Variants in PCDHA8 observed in about 807,000 individuals in gnomAD.
PCDHA8 encodes the protein protocadherin alpha 8.
A neutral mutation model predicts 61.8 loss-of-function variants in PCDHA8; 53 were observed. The ratio of observed to expected loss-of-function variants is 0.86; its 90% CI spans 0.69 to 1.08. The LOEUF is 1.08. PCDHA8 is among the 50% of genes least tolerant of loss of function. PCDHA8 has a pLI of 0.00. For synonymous variants in PCDHA8, 618 were observed against 556.6 expected (o/e 1.11, Z -1.55); for missense variants, 1,293 against 1,245.0 (o/e 1.04, Z -0.58).
intron 1 of PCDHA8, among the ~76,000 whole-genome samples, chr5:140,900,786 A>C (rs888308882): frequency 2.0e-5 from 3 of 152,152 alleles, no homozygotes; most frequent in African/African-American, 7.2e-5. Flanking sequence ...GAAACTCCAA[A>C]CTGTTCTCCA....
chr5:140,843,317 C>G lies in PCDHA8; in HGVS notation c.1996C>G (p.Leu666Val), dbSNP rs2150357275. ...TGCGCTGACCGCCACGGCCACGGTT[C>G]TGGTGTCGCTGGTGGAGAGCGGCCA... Reference protein sequence around the residue: ...EPALTATATVLVSLVESGQAP... With the variant: ...EPALTATATVVVSLVESGQAP... The change falls in exon 1 of 4, where the codon CTG (leucine) becomes GTG (valine). Residue 666 changes from leucine to valine, a missense_variant. Leu to Val is a conservative substitution (Grantham distance 32, BLOSUM62 1). Coordinates refer to ENST00000531613, the MANE Select transcript of PCDHA8 (RefSeq NM_018911.3). The G allele has an allele frequency of 6.9e-6, 11 of 1,595,910 alleles. No homozygotes were observed. Among genetic ancestry groups the G allele is most frequent in the African/African-American group, 1.3e-5 (1 of 74,422 alleles).
intron 1 of PCDHA8, among the ~76,000 whole-genome samples, chr5:140,931,837 G>A (rs1422066331): frequency 6.6e-6 from 1 of 151,798 alleles, no homozygotes; most frequent in Non-Finnish European, 1.5e-5. Flanking sequence ...TATCCTGAAT[G>A]CCTTAATAAC....
At chr5:140,877,594 T>G (rs782719581) in intron 1 of PCDHA8, 110 of 1,613,680 alleles carry the variant, frequency 6.8e-5, no homozygotes, top group Non-Finnish European at 9.3e-5. Context: ...CTGTGCGGTG[T>G]CCAGCCTGCT....
chr5:140,842,095 A>G lies in PCDHA8; in HGVS notation c.774A>G (p.Gly258=). ...GAATATTCGAAAACGCAGACAACGG[A>G]ACAACAGTTATCAAACTGAATGCTT... The part of the protein sequence containing the change: ...EVRIFENADN[G]TTVIKLNASD... Residue 258 remains glycine, a synonymous_variant, in exon 1 of 4, where the codon GGA becomes GGG. Transcript: ENST00000531613. The G allele has an allele frequency of 6.2e-7, 1 of 1,613,924 alleles. No individual in the cohort carries two copies. Among genetic ancestry groups the G allele is most frequent in the Non-Finnish European group, 8.5e-7 (1 of 1,179,880 alleles).
intron 1 of PCDHA8, chr5:140,863,394 G>A (rs1342756414): frequency 2.2e-6 from 2 of 929,190 alleles, no homozygotes; most frequent in South Asian, 1.3e-5. Context: ...CGTGCATGCC[G>A]GGCAAGCCCA....
rs558900138 is a variant in PCDHA8, at chr5:140,898,510, C to T, written c.2394+54795C>T. On this transcript the variant is annotated intron_variant, in intron 1 of 3. Coordinates refer to ENST00000531613, the MANE Select transcript of PCDHA8 (RefSeq NM_018911.3). ...AGATCAGATAGTTGTAGATATGCGG[C>T]GTTATTTCTGAGGGCTCTGTTCTGT... Among the ~76,000 whole-genome samples, 9 of 152,196 alleles carry T rather than the reference C, an allele frequency of 5.9e-5. No homozygotes were observed. In the South Asian group the frequency reaches 6.2e-4, roughly 11 times the overall value.
At chr5:140,881,330 G>A (rs2153378633) in intron 1 of PCDHA8, 1 of 984,626 alleles carries the variant, frequency 1.0e-6, no homozygotes, top group Non-Finnish European at 1.2e-6. Context: ...ATTTAACCAG[G>A]ACGCCGATTC....
rs1554262529 is a variant in PCDHA8 at position 141,009,890 on chromosome 5, G to A, written c.2806G>A (p.Glu936Lys). 8.1e-6 allele frequency: 13 copies of A among 1,612,626 alleles called. No homozygotes were observed. Among genetic ancestry groups the A allele is most frequent in the Non-Finnish European group, 1.1e-5 (13 of 1,179,746 alleles). ...AAAGAAGAAGGGTAACAAGACCCAG[G>A]AGAAAAAAGAGAAAGGGAACAGCAC... Reference protein sequence around the residue: ...KKKKKGNKTQEKKEKGNSTTD... With the variant: ...KKKKKGNKTQKKKEKGNSTTD... The change falls in exon 4 of 4, where the codon GAG becomes AAG. Residue 936 changes from glutamate to lysine, a missense_variant. Glu to Lys is a moderately conservative substitution (Grantham distance 56). Coordinates refer to ENST00000531613, the MANE Select transcript of PCDHA8 (RefSeq NM_018911.3).
chr5:140,869,666 A>C, intron 1 of PCDHA8: 12 of 1,613,524 alleles, frequency 7.4e-6, no homozygotes, highest in Non-Finnish European at 1.0e-5. Flanking sequence ...AATGGTAAGC[A>C]GATTAAAAGA....
At chr5:140,958,703 C>T (rs1302459806) in intron 1 of PCDHA8, among the ~76,000 whole-genome samples, 3 of 152,112 alleles carry the variant, frequency 2.0e-5, no homozygotes, top group Non-Finnish European at 4.4e-5. Flanking sequence ...AGAGTGACAA[C>T]TCTGTTATAA....
At chr5:140,952,962 C>T (rs246032) in intron 1 of PCDHA8, among the ~76,000 whole-genome samples, 1 of 151,598 alleles carries the variant, frequency 6.6e-6, no homozygotes, top group Non-Finnish European at 1.5e-5. Context: ...GGAAGTGATA[C>T]ACACTTTTAA....
At position 141,010,228 on chromosome 5, in the gene PCDHA8, C is replaced by T. The variant is rs1290626143; in HGVS notation, c.*291C>T. The stretch of plus-strand genomic sequence containing the variant: ...CCGCAAAGGAGAGGCTTCCCAGCCC[C>T]GCCAGTGAGAGGTTGGACTCTCTGC... On this transcript the variant is annotated 3_prime_UTR_variant, in exon 4 of 4. Coordinates refer to ENST00000531613, the MANE Select transcript of PCDHA8 (RefSeq NM_018911.3). 35 of 1,551,916 alleles carry T rather than the reference C, an allele frequency of 2.3e-5. No homozygotes were observed. The highest frequency in any genetic ancestry group is 2.8e-5 in the Non-Finnish European group (32 of 1,147,054).
At position 140,843,028 on chromosome 5, in the gene PCDHA8, G is replaced by A. The variant is rs2150350487; in HGVS notation, c.1707G>A (p.Arg569=). 21 of 1,595,152 alleles carry A rather than the reference G, an allele frequency of 1.3e-5. 1 individual carries two copies. Among genetic ancestry groups the A allele is most frequent in the Non-Finnish European group, 1.7e-5 (20 of 1,165,462 alleles). ...NDNAPALLEP[R]VGGTGGAASK... ...ACGCGCCGGCACTGCTGGAGCCTCG[G>A]GTGGGTGGCACTGGTGGCGCAGCGA... Residue 569 remains arginine (R), a synonymous_variant, in exon 1 of 4, where the codon CGG becomes CGA. Transcript: ENST00000531613.
At chr5:140,958,547 A>C (rs528303266) in intron 1 of PCDHA8, among the ~76,000 whole-genome samples, 3 of 152,308 alleles carry the variant, frequency 2.0e-5, no homozygotes, top group East Asian at 3.9e-4. Flanking sequence ...TTTATGAACC[A>C]ATAAATGTTT....
At chr5:140,889,415 G>A (rs192243576) in intron 1 of PCDHA8, among the ~76,000 whole-genome samples, 212 of 152,058 alleles carry the variant, frequency 1.4e-3, no homozygotes, top group African/African-American at 5.0e-3. Flanking sequence ...AGTCAGTTAC[G>A]TAGATAATAT....
At chr5:140,933,392 T>C (rs1298872630) in intron 1 of PCDHA8, among the ~76,000 whole-genome samples, 3 of 152,044 alleles carry the variant, frequency 2.0e-5, no homozygotes, top group Non-Finnish European at 2.9e-5. Context: ...CCTAGAGCCA[T>C]CTGGTTACCA....
intron 1 of PCDHA8, chr5:140,927,928 T>C: frequency 6.2e-7 from 1 of 1,614,214 alleles, no homozygotes; most frequent in Non-Finnish European, 8.5e-7. Context: ...CCTGACTCTT[T>C]CGAACCCAGT....
Position 140,843,203 on chromosome 5 carries a change from A to T in PCDHA8, c.1882A>T (p.Thr628Ser), listed in dbSNP as rs149174279. 6.3e-7 allele frequency: 1 copy of T among 1,595,824 alleles called. No homozygotes were observed. The highest frequency in any genetic ancestry group is 1.3e-5 in the African/African-American group (1 of 74,416). ...PRIPFRVGLY[T>S]GEISTTRVLD... ...CATCCCGTTCCGCGTGGGGCTGTAC[A>T]CGGGCGAGATCAGCACCACTCGTGT... Residue 628 changes from threonine (T) to serine (S), a missense_variant, in exon 1 of 4, where the codon ACG becomes TCG. By Grantham distance (58) the Thr-to-Ser change is moderately conservative. Transcript: ENST00000531613.
chr5:140,938,245 C>T (rs1008412260), intron 1 of PCDHA8, among the ~76,000 whole-genome samples: 1 of 152,168 alleles, frequency 6.6e-6, no homozygotes, highest in South Asian at 2.1e-4. Context: ...CATGCCTGGT[C>T]TTTTAAAAAC....
Sources: allele counts gnomAD v4.1 joint callset (sites outside exome capture counted in the v4.1 genomes callset), GRCh38; gene constraint gnomAD v4.1.1; transcripts MANE v1.5; gene names NCBI Gene and HGNC (gene_info 2026-07-23, HGNC 2026-07-21).